The following CATSPERE variants were observed in gnomAD, a reference collection of about 807,000 sequenced individuals.
CATSPERE encodes the protein cation channel sperm-associated auxiliary subunit epsilon.
CATSPERE carries 93 observed loss-of-function variants against 114.1 expected under a neutral mutation model. The observed-to-expected ratio is 0.81, with a 90% confidence interval of 0.69 to 0.97. The LOEUF (loss-of-function observed/expected upper bound fraction) is 0.97. CATSPERE is among the 50% of genes least tolerant of loss of function. The pLI is 0.00. For synonymous variants in CATSPERE, 341 were observed against 384.1 expected (o/e 0.89, Z 1.31); for missense variants, 1,058 against 1,131.6 (o/e 0.93, Z 0.93).
At chr1:244,460,071 TCTTG>T (rs539973506), upstream of CATSPERE, among the ~76,000 whole-genome samples, 37 of 152,372 alleles carry the variant, frequency 2.4e-4, no homozygotes, top group East Asian at 7.1e-3. Flanking sequence ...ACGGATTGCA[TCTTG>T]CTTCTAACCT....
intron 12 of CATSPERE, 42 bp from the exon 13 acceptor site, chr1:244,583,822 C>T (rs1313501830): frequency 8.3e-6 from 13 of 1,572,288 alleles, no homozygotes; most frequent in South Asian, 1.1e-5. Flanking sequence ...TCATGCCTGT[C>T]TCTCACATGA....
intron 19 of CATSPERE, 27 bp from the exon 20 acceptor site, chr1:244,617,502 A>G (rs771760335): frequency 2.7e-6 from 4 of 1,470,190 alleles, no homozygotes; most frequent in Non-Finnish European, 3.6e-6. Flanking sequence ...AATGACCTTA[A>G]AATTTTTGTC....
At chr1:244,561,200 C>T in intron 10 of CATSPERE, 55 bp downstream of exon 10, 2 of 1,249,524 alleles carry the variant, frequency 1.6e-6, no homozygotes, top group Non-Finnish European at 2.3e-6. Context: ...AGACATCTTC[C>T]TTATAATGAT....
intron 8 of CATSPERE, among the ~76,000 whole-genome samples, chr1:244,520,873 CA>C (rs1231198780): frequency 6.6e-6 from 1 of 152,024 alleles, no homozygotes; most frequent in Non-Finnish European, 1.5e-5. Flanking sequence ...TGAAAAGAAA[CA>C]ATTATTATTT....
At chr1:244,577,445 G>T (rs1665456428) in intron 11 of CATSPERE, among the ~76,000 whole-genome samples, 1 of 152,054 alleles carries the variant, frequency 6.6e-6, no homozygotes, top group East Asian at 1.9e-4. Context: ...AGTCCATTTG[G>T]GCTACATAAC....
intron 13 of CATSPERE, among the ~76,000 whole-genome samples, chr1:244,586,836 G>T (rs934520986): frequency 1.3e-5 from 2 of 152,166 alleles, no homozygotes; most frequent in Non-Finnish European, 1.5e-5. Flanking sequence ...GAGCCAGGTG[G>T]AAATGGAAGT....
intron 19 of CATSPERE, among the ~76,000 whole-genome samples, chr1:244,616,830 A>G (rs555607576): frequency 6.6e-6 from 1 of 152,240 alleles, no homozygotes; most frequent in Admixed American, 6.5e-5. Flanking sequence ...GACACATCCA[A>G]AGTAATTGCC....
intron 19 of CATSPERE, among the ~76,000 whole-genome samples, chr1:244,612,242 G>A (rs947737250): frequency 1.3e-5 from 2 of 152,148 alleles, no homozygotes; most frequent in Non-Finnish European, 2.9e-5. Flanking sequence ...TTACTGAAGG[G>A]TGTCATTATT....
chr1:244,490,523 T>C, intron 6 of CATSPERE, 52 bp downstream of exon 6: 2 of 1,078,802 alleles, frequency 1.9e-6, no homozygotes, highest in African/African-American at 1.6e-5. Flanking sequence ...TAGTATATTG[T>C]TTCTCTCTTA....
At chr1:244,612,352 A>G (rs985425865) in intron 19 of CATSPERE, among the ~76,000 whole-genome samples, 3 of 152,082 alleles carry the variant, frequency 2.0e-5, no homozygotes, top group Admixed American at 2.0e-4. Flanking sequence ...GAGCTACACT[A>G]ATTGCTACAT....
chr1:244,470,999 C>T (rs981858826), intron 2 of CATSPERE, among the ~76,000 whole-genome samples: 1 of 152,140 alleles, frequency 6.6e-6, no homozygotes, highest in African/African-American at 2.4e-5. Context: ...TAGTGCCTGC[C>T]TAGGGCTGGG....
intron 8 of CATSPERE, among the ~76,000 whole-genome samples, chr1:244,520,735 A>G (rs1373395082): frequency 6.6e-6 from 1 of 152,188 alleles, no homozygotes; most frequent in Non-Finnish European, 1.5e-5. Flanking sequence ...AGGGGGCTGA[A>G]TCCAGGGAGC....
chr1:244,561,928 G>C (rs1230489644), intron 10 of CATSPERE, among the ~76,000 whole-genome samples: 3 of 151,980 alleles, frequency 2.0e-5, no homozygotes, highest in African/African-American at 7.3e-5. Context: ...AAGGTGGGAG[G>C]ATCACTTGAC....
At chr1:244,588,653 A>G in intron 14 of CATSPERE, 119 bp downstream of exon 14, 1 of 780,932 alleles carries the variant, frequency 1.3e-6, no homozygotes, top group Non-Finnish European at 2.2e-6. Flanking sequence ...GAAATCCAAA[A>G]CTGAATTGAC....
rs199665951 is a variant in CATSPERE at position 244,560,866 on chromosome 1, T to G, written c.1228T>G (p.Cys410Gly). Residue 410 changes from cysteine (C) to glycine (G), a missense_variant, in exon 10 of 22, where the codon TGC (cysteine) becomes GGC (glycine). Transcript: ENST00000366534. ...PLEIAVFLNY[C>G]TVCNVTKKIF... ...GGAGATTGCTGTGTTTTTAAATTAT[T>G]GCACTGTATGTAACGTCACCAAAAA... 6.2e-6 allele frequency: 10 copies of G among 1,613,998 alleles called. No individual in the cohort carries two copies. The highest frequency in any genetic ancestry group is 8.5e-6 in the Non-Finnish European group (10 of 1,180,000).
At chr1:244,595,901 C>G (rs542170652) in intron 17 of CATSPERE, among the ~76,000 whole-genome samples, 1 of 152,134 alleles carries the variant, frequency 6.6e-6, no homozygotes, top group East Asian at 1.9e-4. Context: ...CCACTGCACT[C>G]TAGCCTGGGC....
chr1:244,499,415 T>G (rs1401539025), intron 7 of CATSPERE, among the ~76,000 whole-genome samples: 2 of 152,210 alleles, frequency 1.3e-5, no homozygotes, highest in African/African-American at 4.8e-5. Flanking sequence ...CATGGTAGTT[T>G]GCTGCACCTA....
chr1:244,552,825 GATATTTT>G lies in CATSPERE; in HGVS notation c.1029+22_1029+28del. Reference sequence around the variant, plus strand: ...AATTATTTATTAAAGGTTAGTAAAAGATATTTTATATTTTATAAATATATTTATATTT... The same window carrying G: ...AATTATTTATTAAAGGTTAGTAAAAGATATTTTATAAATATATTTATATTT... On this transcript the variant is annotated intron_variant, in intron 9 of 21. Transcript: ENST00000366534. 1 of 1,263,036 alleles carries G rather than the reference GATATTTT, an allele frequency of 7.9e-7. No homozygotes were observed. The highest frequency in any genetic ancestry group is 1.0e-6 in the Non-Finnish European group (1 of 956,022). The allele number at this position is 1,263,036 out of a possible 1,614,324, so 78.2% of individuals were successfully genotyped here.
intron 7 of CATSPERE, among the ~76,000 whole-genome samples, chr1:244,508,352 G>A (rs1233026971): frequency 1.3e-5 from 2 of 148,408 alleles, no homozygotes; most frequent in African/African-American, 5.0e-5. Context: ...CCAGGTTGGA[G>A]TGCAGTGGCG....
Sources: allele counts gnomAD v4.1 joint callset (sites outside exome capture counted in the v4.1 genomes callset), GRCh38; gene constraint gnomAD v4.1.1; transcripts MANE v1.5; gene names NCBI Gene and HGNC (gene_info 2026-07-23, HGNC 2026-07-21).